The following KDM2B variants were observed in gnomAD, a reference collection of about 807,000 sequenced individuals.
KDM2B encodes the protein lysine demethylase 2B.
In KDM2B, 26 loss-of-function variants were observed where a neutral mutation model predicts 150.0. The observed-to-expected ratio is 0.17, with a 90% CI of 0.13 to 0.24. The LOEUF is 0.24. Ranked by LOEUF, KDM2B falls within the 10% of genes least tolerant of loss-of-function variation. The probability of loss-of-function intolerance (pLI) is 1.00; values close to 1 mark genes in which losing one functional copy is unlikely to be tolerated. For synonymous variants in KDM2B, 734 were observed against 729.5 expected (o/e 1.01, Z -0.10); for missense variants, 1,265 against 1,816.9 (o/e 0.70, Z 5.52).
chr12:121,414,693 G>T, the KDM2B span, among the ~76,000 whole-genome samples: 1 of 152,078 alleles, frequency 6.6e-6, no homozygotes, highest in Non-Finnish European at 1.5e-5. Context: ...GTTTTTTCGA[G>T]ATGGACTCTC....
chr12:121,579,156 C>G (rs1261625263), intron 1 of KDM2B, among the ~76,000 whole-genome samples: 2 of 152,274 alleles, frequency 1.3e-5, no homozygotes, highest in African/African-American at 4.8e-5. Flanking sequence ...GCGCTCTACG[C>G]GGGGTACTCC....
At chr12:121,434,438 G>A (rs1873605729) in intron 22 of KDM2B, among the ~76,000 whole-genome samples, 1 of 148,774 alleles carries the variant, frequency 6.7e-6, no homozygotes. Flanking sequence ...GGAGGTTGCA[G>A]TGAGCCAAGA....
intron 11 of KDM2B, among the ~76,000 whole-genome samples, chr12:121,497,448 G>A (rs1239525831): frequency 6.6e-6 from 1 of 152,016 alleles, no homozygotes; most frequent in Non-Finnish European, 1.5e-5. Flanking sequence ...AGGATTACAG[G>A]CGTGTGCCAC....
chr12:121,443,129 G>A, intron 17 of KDM2B, 99 bp from the exon 18 acceptor site: 1 of 1,159,464 alleles, frequency 8.6e-7, no homozygotes, highest in Non-Finnish European at 1.2e-6. Context: ...GTCTCCAGAG[G>A]AGGGGCTGGA....
chr12:121,559,100 T>G (rs1479139680), intron 4 of KDM2B, among the ~76,000 whole-genome samples: 2 of 151,886 alleles, frequency 1.3e-5, no homozygotes, highest in Admixed American at 6.6e-5. Flanking sequence ...TGCAAGGGAG[T>G]CAGGACTTAA....
intron 22 of KDM2B, among the ~76,000 whole-genome samples, chr12:121,435,340 G>T (rs1873814333): frequency 1.3e-5 from 2 of 152,170 alleles, no homozygotes; most frequent in Non-Finnish European, 2.9e-5. Context: ...TGGAGAAGAG[G>T]TAACAATTTA....
intron 11 of KDM2B, among the ~76,000 whole-genome samples, chr12:121,495,862 TGG>T (rs1883880260): frequency 6.6e-6 from 1 of 151,948 alleles, no homozygotes; most frequent in African/African-American, 2.4e-5. Flanking sequence ...TGGAGTCACG[TGG>T]CCAAATTGTG....
At chr12:121,582,193 T>C (rs1054030044), upstream of KDM2B, among the ~76,000 whole-genome samples, 6 of 152,098 alleles carry the variant, frequency 3.9e-5, no homozygotes, top group Non-Finnish European at 8.8e-5. Flanking sequence ...GTTCCCATTT[T>C]GCAAAGGAGG....
At chr12:121,441,014 G>A in intron 20 of KDM2B, 37 bp from the exon 21 acceptor site, 3 of 1,612,364 alleles carry the variant, frequency 1.9e-6, no homozygotes, top group Non-Finnish European at 2.5e-6. Flanking sequence ...GTCAGGGGAT[G>A]TGTCCCCAGC....
intron 13 of KDM2B, among the ~76,000 whole-genome samples, chr12:121,451,563 T>C (rs1430886858): frequency 6.6e-6 from 1 of 152,154 alleles, no homozygotes; most frequent in Non-Finnish European, 1.5e-5. Flanking sequence ...GCAGCACTAT[T>C]CACAACAGGC....
At chr12:121,478,351 C>G (rs769818763) in intron 12 of KDM2B, among the ~76,000 whole-genome samples, 32 of 139,740 alleles carry the variant, frequency 2.3e-4, no homozygotes, top group Admixed American at 1.6e-3. Flanking sequence ...CCTCCACCCT[C>G]AAGTAGATCC....
intron 22 of KDM2B, among the ~76,000 whole-genome samples, chr12:121,439,593 G>T (rs1314387327): frequency 6.6e-6 from 1 of 152,052 alleles, no homozygotes; most frequent in African/African-American, 2.4e-5. Flanking sequence ...TGTTGGCCAG[G>T]CTAGTCTCGA....
rs568009655 is a variant in KDM2B at position 121,533,786 on chromosome 12, T to G, written c.777+711A>C. 9.1e-4 allele frequency among the ~76,000 whole-genome samples: 138 copies of G among 152,290 alleles called. No individual in the cohort carries two copies. The highest frequency in any genetic ancestry group is 1.5e-3 in the Admixed American group (23 of 15,298). ...CGATGTAAAAGGGCTGAACTTGACC[T>G]TGCCCTCCAGAAGGAGGAGGTGGTT... On this transcript the variant is annotated intron_variant, in intron 7 of 22. Transcript: ENST00000377071. This position sits in a 1 kb window ranked among gnomAD's most constrained non-coding sequence, Gnocchi z 4.1.
intron 22 of KDM2B, among the ~76,000 whole-genome samples, chr12:121,431,879 C>CTTTCT (rs1873093700): frequency 8.2e-6 from 1 of 122,398 alleles, no homozygotes; most frequent in Admixed American, 9.1e-5. Flanking sequence ...TTTCTTTTTT[C>CTTTCT]TTTTTTTTTT....
intron 8 of KDM2B, among the ~76,000 whole-genome samples, chr12:121,526,182 T>C (rs1438993280): frequency 1.3e-5 from 2 of 152,156 alleles, no homozygotes; most frequent in African/African-American, 4.8e-5. Flanking sequence ...TGAAACCCCG[T>C]CTCTACTAAA....
chr12:121,427,740 T>TC (rs781942346), downstream of KDM2B, among the ~76,000 whole-genome samples: 6 of 152,052 alleles, frequency 3.9e-5, no homozygotes, highest in Non-Finnish European at 5.9e-5. Context: ...TGGCAGCCCC[T>TC]CCCTAGCAGA....
At chr12:121,548,852 C>G in intron 6 of KDM2B, 25 bp downstream of exon 6, 1 of 1,591,460 alleles carries the variant, frequency 6.3e-7, no homozygotes, top group Non-Finnish European at 8.6e-7. Flanking sequence ...CCTGCCAGCT[C>G]TGGCCACCAG....
In KDM2B at chr12:121,508,932, G is replaced by A. The variant is rs537805786; in HGVS notation, c.1647+635C>T. On this transcript the variant is annotated intron_variant, in intron 11 of 22. Transcript: ENST00000377071. ...CTTCCTGACAAGGCTGGAGGGGTTCGTCTCTCGAGGCCAGTGACAGCAACT... is the reference window on the plus strand; with the variant it reads ...CTTCCTGACAAGGCTGGAGGGGTTCATCTCTCGAGGCCAGTGACAGCAACT... Among the ~76,000 whole-genome samples the A allele has an allele frequency of 9.8e-5, 15 of 152,304 alleles. No individual in the cohort carries two copies. The South Asian group carries it at 1.9e-3, about 19-fold the overall frequency.
At chr12:121,516,023 A>C (rs1886154219) in intron 9 of KDM2B, among the ~76,000 whole-genome samples, 1 of 152,168 alleles carries the variant, frequency 6.6e-6, no homozygotes, top group Non-Finnish European at 1.5e-5. Context: ...GGCATGAAGC[A>C]AACCTTGATT....
Sources: allele counts gnomAD v4.1 joint callset (sites outside exome capture counted in the v4.1 genomes callset), GRCh38; gene constraint gnomAD v4.1.1; non-coding constraint Gnocchi (gnomAD v3.1); transcripts MANE v1.5; gene names NCBI Gene and HGNC (gene_info 2026-07-23, HGNC 2026-07-21).